Variants in APC observed in about 807,000 individuals in gnomAD.
The protein encoded by APC is adenomatous polyposis coli protein.
In APC, 72 loss-of-function variants were observed where a neutral mutation model predicts 247.0. The observed-to-expected ratio is 0.29, with a 90% CI of 0.24 to 0.35. APC has a LOEUF of 0.35. Among genes scored for constraint, APC ranks in the 10% least tolerant of loss-of-function variants. The pLI is 1.00. For synonymous variants in APC, 1,254 were observed against 1,162.5 expected (o/e 1.08, Z -1.60); for missense variants, 3,400 against 3,360.7 (o/e 1.01, Z -0.29).
intron 2 of APC, among the ~76,000 whole-genome samples, chr5:112,759,964 A>C (rs573864603): frequency 6.6e-6 from 1 of 152,318 alleles, no homozygotes; most frequent in Non-Finnish European, 1.5e-5. Context: ...AAAAACTAGA[A>C]AACACTGGAT....
rs1159973631 is a variant in APC at position 112,803,749 on chromosome 5, A to G, written c.834+2366A>G. On this transcript the variant is annotated intron_variant, in intron 8 of 15. Coordinates refer to ENST00000257430, the MANE Select transcript of APC (RefSeq NM_000038.6). ...GACAGTCCTTGGCCTCATGGAACCT[A>G]TATGGTGCATCCATGCAAATATTAA... 2.0e-5 allele frequency among the ~76,000 whole-genome samples: 3 copies of G among 152,194 alleles called. No individual in the cohort carries two copies. In the South Asian group the frequency reaches 6.2e-4, roughly 32 times the overall value.
intron 8 of APC, among the ~76,000 whole-genome samples, chr5:112,810,693 G>A (rs1397849160): frequency 1.3e-5 from 2 of 152,188 alleles, no homozygotes; most frequent in Non-Finnish European, 2.9e-5. Context: ...TGGAATAAGT[G>A]CAGGGCAAAG....
chr5:112,827,202 T>C lies in APC; in HGVS notation c.1503T>C (p.Ala501=), dbSNP rs201664378. 6.2e-7 allele frequency: 1 copy of C among 1,613,962 alleles called. No individual in the cohort carries two copies. The highest frequency in any genetic ancestry group is 1.1e-5 in the South Asian group (1 of 91,084). The change falls in exon 12 of 16, where the codon GCT becomes GCC. Residue 501 remains alanine (A), a synonymous_variant. Transcript: ENST00000257430. ...ACAGTATTACACTAAGACGATATGC[T>C]GGAATGGCTTTGACAAACTTGACTT... ...DHYSITLRRY[A]GMALTNLTFG... is the part of the protein sequence containing the mutation.
At chr5:112,783,054 C>T (rs1248315848) in intron 6 of APC, among the ~76,000 whole-genome samples, 1 of 152,112 alleles carries the variant, frequency 6.6e-6, no homozygotes, top group Admixed American at 6.5e-5. Context: ...ATATGGGATA[C>T]TGTAGACATA....
intron 1 of APC, among the ~76,000 whole-genome samples, chr5:112,720,505 C>G (rs369980858): frequency 2.0e-5 from 3 of 152,194 alleles, no homozygotes; most frequent in African/African-American, 7.2e-5. Context: ...TGAACCCTCC[C>G]GTCCTACCCA....
rs138098808 is a variant in APC at position 112,827,986 on chromosome 5, G to A, written c.1606G>A (p.Glu536Lys). ...MRALVAQLKSESEDLQQVIAS... is the reference protein window; with the variant it reads ...MRALVAQLKSKSEDLQQVIAS... ...AGCACTTGTGGCCCAACTAAAATCT[G>A]AAAGTGAAGACTTACAGCAGGTACT... The change falls in exon 13 of 16, where the codon GAA (glutamate) becomes AAA (lysine). Residue 536 changes from glutamate to lysine, a missense_variant. Glu to Lys is a moderately conservative substitution (Grantham distance 56). This residue lies in a region of APC where 184 missense variants were observed against 248.0 expected (regional missense o/e 0.74). Transcript: ENST00000257430. 3.1e-5 allele frequency: 50 copies of A among 1,612,780 alleles called. No individual in the cohort carries two copies. In the African/African-American group the frequency reaches 6.3e-4, roughly 20 times the overall value.
chr5:112,713,965 A>G (rs1561398777), intron 1 of APC, among the ~76,000 whole-genome samples: 1 of 152,308 alleles, frequency 6.6e-6, no homozygotes, highest in East Asian at 1.9e-4. Flanking sequence ...GCCTATACGT[A>G]AGATTTTGAC....
rs1247376356 is a variant in APC, at chr5:112,844,183, C to A, written c.*57C>A. The A allele has an allele frequency of 6.9e-7, 1 of 1,455,382 alleles. No homozygotes were observed. Among genetic ancestry groups the A allele is most frequent in the Non-Finnish European group, 9.4e-7 (1 of 1,059,238 alleles). The allele number at this position is 1,455,382 out of a possible 1,614,324, so 90.2% of individuals were successfully genotyped here. ...ATGTTAATTACAACTGCTATATAGACATTTTGTTTCAAATGAAACTTTAAA... is the reference window on the plus strand; with the variant it reads ...ATGTTAATTACAACTGCTATATAGAAATTTTGTTTCAAATGAAACTTTAAA... On this transcript the variant is annotated 3_prime_UTR_variant, in exon 16 of 16. Transcript: ENST00000257430.
intron 12 of APC, among the ~76,000 whole-genome samples, chr5:112,827,663 G>A (rs775969067): frequency 4.6e-5 from 7 of 152,096 alleles, no homozygotes; most frequent in Admixed American, 4.6e-4. Context: ...CAAATAAGAG[G>A]CTTTACTCTA....
At chr5:112,755,647 T>C (rs1754887720) in intron 2 of APC, among the ~76,000 whole-genome samples, 1 of 152,232 alleles carries the variant, frequency 6.6e-6, no homozygotes, top group Non-Finnish European at 1.5e-5. Context: ...CAAATAGTAC[T>C]GAAAAGTTCT....
At chr5:112,818,080 A>G (rs1487101780) in intron 9 of APC, among the ~76,000 whole-genome samples, 1 of 152,190 alleles carries the variant, frequency 6.6e-6, no homozygotes, top group Non-Finnish European at 1.5e-5. Context: ...TAAAATACCC[A>G]TCCTACAATT....
chr5:112,797,449 T>C (rs977908760), intron 7 of APC, among the ~76,000 whole-genome samples: 3 of 152,180 alleles, frequency 2.0e-5, no homozygotes, highest in Admixed American at 6.5e-5. Context: ...ATATTTCTTA[T>C]AGCATTTTCT....
At chr5:112,734,926 G>A (rs1025390978), upstream of APC, among the ~76,000 whole-genome samples, 4 of 151,378 alleles carry the variant, frequency 2.6e-5, no homozygotes, top group African/African-American at 9.7e-5. Context: ...AAGTAGCTGG[G>A]GAATGTAATA....
chr5:112,833,912 T>TA lies in APC; in HGVS notation c.1744-1038dup, dbSNP rs369336475. Among the ~76,000 whole-genome samples, 670 of 152,322 alleles carry TA rather than the reference T, an allele frequency of 4.4e-3. 3 individuals carry two copies. The highest frequency in any genetic ancestry group is 0.01 in the Middle Eastern group (3 of 294). ...TTGTCATTTAATAATACTTCCAAGATATCTTTCCATATCTATGTATGGTTT... is the reference window on the plus strand; with the variant it reads ...TTGTCATTTAATAATACTTCCAAGATAATCTTTCCATATCTATGTATGGTTT... On this transcript the variant is annotated intron_variant, in intron 14 of 15. Transcript: ENST00000257430.
chr5:112,717,902 C>CTTTT (rs1289888067), intron 1 of APC, among the ~76,000 whole-genome samples: 2 of 22,294 alleles, frequency 9.0e-5, no homozygotes, highest in South Asian at 1.4e-3. Context: ...TTTTCTTTTT[C>CTTTT]TTTTTCTTTT....
At position 112,829,036 on chromosome 5, in the gene APC, C is replaced by G. The variant is rs1764037329; in HGVS notation, c.1743+64C>G. 5 of 1,094,334 alleles carry G rather than the reference C, an allele frequency of 4.6e-6. No individual in the cohort carries two copies. The Admixed American group carries it at 5.1e-5, about 11-fold the overall frequency. 67.8% of individuals were successfully genotyped at this position (1,094,334 alleles called of 1,614,324 possible). A position where few individuals can be genotyped will look rare whatever the true frequency, so the allele number is the denominator to read the frequency against. On this transcript the variant is annotated intron_variant, in intron 14 of 15. Coordinates refer to ENST00000257430, the MANE Select transcript of APC (RefSeq NM_000038.6). ...ATGTTTGGCTTTTTTTTGCTGCCTT[C>G]TTTTAGCCATGAGATTTCCTAATTT...
rs530923279 is a variant in APC at position 112,838,920 on chromosome 5, G to A, written c.3326G>A (p.Gly1109Asp). 3 of 1,614,070 alleles carry A rather than the reference G, an allele frequency of 1.9e-6. No individual in the cohort carries two copies. The South Asian group carries it at 3.3e-5, about 18-fold the overall frequency. ...VSPYRSRGANGSETNRVGSNH... is the reference protein window; with the variant it reads ...VSPYRSRGANDSETNRVGSNH... ...CCATACAGGTCACGGGGAGCCAATG[G>A]TTCAGAAACAAATCGAGTGGGTTCT... The change falls in exon 16 of 16, where the codon GGT becomes GAT. Residue 1109 changes from glycine (G) to aspartate (D), a missense_variant. Transcript: ENST00000257430.
At chr5:112,707,505 A>T (rs1554060181), upstream of APC, 1 of 450,178 alleles carries the variant, frequency 2.2e-6, no homozygotes. Flanking sequence ...TGCGCATTGT[A>T]GTCTTCCCAC....
chr5:112,722,531 T>A (rs950567302), intron 1 of APC, among the ~76,000 whole-genome samples: 10 of 152,108 alleles, frequency 6.6e-5, no homozygotes, highest in Non-Finnish European at 1.2e-4. Context: ...TCCCACAGGT[T>A]GAGGGCTCAG....
Sources: allele counts gnomAD v4.1 joint callset (sites outside exome capture counted in the v4.1 genomes callset), GRCh38; gene constraint gnomAD v4.1.1; regional missense constraint gnomAD v4.1.1; transcripts MANE v1.5; gene names NCBI Gene and HGNC (gene_info 2026-07-23, HGNC 2026-07-21).